Variants in USP35 observed in about 807,000 individuals in gnomAD.
The protein encoded by USP35 is ubiquitin specific peptidase 35, also known as ubiquitin carboxyl-terminal hydrolase 35.
In USP35, 69 loss-of-function variants were observed where a neutral mutation model predicts 83.8. The ratio of observed to expected loss-of-function variants is 0.82; its 90% CI spans 0.68 to 1.01. The LOEUF is 1.01. USP35 is among the 50% of genes least tolerant of loss of function. The probability of loss-of-function intolerance (pLI) is 0.00; values close to 1 mark genes in which losing one functional copy is unlikely to be tolerated. For synonymous variants in USP35, 714 were observed against 589.5 expected, an observed-to-expected ratio of 1.21 and a Z score of -3.06; for missense variants, 1,503 against 1,362.5, an observed-to-expected ratio of 1.10 and a Z score of -1.62.
chr11:78,189,155 G>A lies in USP35; in HGVS notation c.-13G>A. The A allele has an allele frequency of 5.7e-6, 1 of 174,496 alleles. No homozygotes were observed. Among genetic ancestry groups the A allele is most frequent in the Non-Finnish European group, 1.1e-5 (1 of 88,380 alleles). The allele number at this position is 174,496 out of a possible 1,614,324, so 10.8% of individuals were successfully genotyped here. ...CCGGCTCTGGCCCACCGGGGTCCGG[G>A]AGGTAAGGGGGTTGGGGGCGTGTGA... On this transcript the variant is annotated splice_region_variant and 5_prime_UTR_variant, in exon 1 of 11. Coordinates refer to ENST00000529308, the MANE Select transcript of USP35 (RefSeq NM_020798.4).
downstream of USP35, chr11:78,219,039 G>C (rs1389427938): frequency 5.6e-6 from 3 of 532,812 alleles, no homozygotes; most frequent in Non-Finnish European, 1.0e-5. Flanking sequence ...TGGAGGCATG[G>C]CCATTACTGA....
chr11:78,211,256 G>A (rs572260035), intron 10 of USP35, among the ~76,000 whole-genome samples: 85 of 152,194 alleles, frequency 5.6e-4, no homozygotes, highest in Non-Finnish European at 6.5e-4. Context: ...TTCCAGCTCC[G>A]TCCATGTCCC....
the USP35 span, among the ~76,000 whole-genome samples, chr11:78,233,561 T>A: frequency 6.6e-6 from 1 of 152,208 alleles, no homozygotes; most frequent in Non-Finnish European, 1.5e-5. Flanking sequence ...CACAAACAAA[T>A]CCTTTGTTAG....
At chr11:78,231,336 G>GTGGTGTGTGTGT in the USP35 span, among the ~76,000 whole-genome samples, 640 of 145,890 alleles carry the variant, frequency 4.4e-3, 3 homozygotes, top group African/African-American at 0.016. Flanking sequence ...GCGCGTGTGT[G>GTGGTGTGTGTGT]GTGTGTGTGT....
intron 10 of USP35, 51 bp from the exon 11 acceptor site, chr11:78,213,589 ACTCTGG>A: frequency 1.4e-6 from 2 of 1,432,512 alleles, no homozygotes; most frequent in East Asian, 5.6e-5. Context: ...GGGTAGACTC[ACTCTGG>A]CTTCAGGGTG....
chr11:78,223,574 C>T, the USP35 span: 3 of 1,613,850 alleles, frequency 1.9e-6, no homozygotes, highest in Admixed American at 5.0e-5. Flanking sequence ...GAATTATCAC[C>T]TGCTCGTTCC....
intron 1 of USP35, among the ~76,000 whole-genome samples, chr11:78,192,660 G>A (rs112728879): frequency 0.059 from 9,004 of 152,292 alleles, 321 homozygotes; most frequent in Middle Eastern, 0.085. Context: ...GGAGATCAGA[G>A]CTCTCATGGA....
In USP35 at chr11:78,196,190, A is replaced by G; in HGVS notation, c.-10-46A>G. On this transcript the variant is annotated intron_variant, in intron 1 of 10. Coordinates refer to ENST00000529308, the MANE Select transcript of USP35 (RefSeq NM_020798.4). The surrounding 1 kb of genome is among the most constrained non-coding windows in gnomAD (Gnocchi z 4.8). ...TCGGGGACTGCACCGGGAACTCTTG[A>G]GCCCCGCGGTTGTCGGGCTGTGACC... is the stretch of plus-strand genomic sequence containing the variant. 1 of 1,529,962 alleles carries G rather than the reference A, an allele frequency of 6.5e-7. No individual in the cohort carries two copies. Among genetic ancestry groups the G allele is most frequent in the Non-Finnish European group, 8.7e-7 (1 of 1,149,268 alleles). The allele number at this position is 1,529,962 out of a possible 1,614,324, so 94.8% of individuals were successfully genotyped here.
chr11:78,229,906 AT>A, the USP35 span, among the ~76,000 whole-genome samples: 1 of 152,138 alleles, frequency 6.6e-6, no homozygotes, highest in Admixed American at 6.5e-5. Context: ...CAGAAGACAC[AT>A]TTTTTAAGGC....
downstream of USP35, chr11:78,217,214 G>A (rs1864191980): frequency 6.6e-6 from 1 of 152,376 alleles, no homozygotes; most frequent in Non-Finnish European, 1.5e-5. Context: ...GTCTCTGTCT[G>A]ATGGCCATCA....
chr11:78,193,222 C>G (rs1452676480), intron 1 of USP35, among the ~76,000 whole-genome samples: 1 of 152,036 alleles, frequency 6.6e-6, no homozygotes, highest in East Asian at 1.9e-4. Context: ...GAAACAGGAA[C>G]TCACTTAGTC....
intron 6 of USP35, among the ~76,000 whole-genome samples, chr11:78,205,489 G>A (rs914795223): frequency 4.6e-5 from 7 of 152,234 alleles, no homozygotes; most frequent in Admixed American, 4.6e-4. Flanking sequence ...GTGGGCCAGG[G>A]TTGTCATTGC....
At chr11:78,221,420 G>C in the USP35 span, among the ~76,000 whole-genome samples, 1 of 152,298 alleles carries the variant, frequency 6.6e-6, no homozygotes, top group Admixed American at 6.5e-5. Context: ...CCATGTCACT[G>C]TCATGAGAGG....
intron 1 of USP35, among the ~76,000 whole-genome samples, chr11:78,195,926 C>T (rs1863128379): frequency 6.6e-6 from 1 of 152,114 alleles, no homozygotes; most frequent in South Asian, 2.1e-4. Context: ...AGACGGGCCT[C>T]GCTGTTGCTC....
chr11:78,191,885 C>G (rs943761215), intron 1 of USP35, among the ~76,000 whole-genome samples: 2 of 150,386 alleles, frequency 1.3e-5, no homozygotes, highest in Non-Finnish European at 3.0e-5. Context: ...GCTCTGTCCC[C>G]CAGGCTGGAG....
At chr11:78,199,132 G>A (rs1863256653) in intron 3 of USP35, 1 of 177,670 alleles carries the variant, frequency 5.6e-6, no homozygotes, top group Admixed American at 5.5e-5. Context: ...GTTAGCTGCT[G>A]TTATCTCCTT....
chr11:78,228,725 C>T, the USP35 span, among the ~76,000 whole-genome samples: 1 of 151,982 alleles, frequency 6.6e-6, no homozygotes, highest in Non-Finnish European at 1.5e-5. Flanking sequence ...CTCTGCACTC[C>T]TCCTCCCTTT....
rs770804525 is a variant in USP35 at position 78,214,895 on chromosome 11, T to TTACTGAGGGCTGGG, written c.*1084_*1097dup. ...GTGTGGACTGACTGACTTACTTACC[T>TTACTGAGGGCTGGG]TACTGAGGGCTGGGTGATGCTGCCC... On this transcript the variant is annotated 3_prime_UTR_variant, in exon 11 of 11. Transcript: ENST00000529308. Among the ~76,000 whole-genome samples, 2 of 151,578 alleles carry TTACTGAGGGCTGGG rather than the reference T, an allele frequency of 1.3e-5. No homozygotes were observed. Among genetic ancestry groups the TTACTGAGGGCTGGG allele is most frequent in the Non-Finnish European group, 2.9e-5 (2 of 67,992 alleles).
At chr11:78,222,413 T>TATA in the USP35 span, among the ~76,000 whole-genome samples, 1 of 151,718 alleles carries the variant, frequency 6.6e-6, no homozygotes, top group Admixed American at 6.6e-5. Flanking sequence ...CTTTCTGCTG[T>TATA]ATCTATGGTA....
Sources: allele counts gnomAD v4.1 joint callset (sites outside exome capture counted in the v4.1 genomes callset), GRCh38; gene constraint gnomAD v4.1.1; non-coding constraint Gnocchi (gnomAD v3.1); transcripts MANE v1.5; gene names NCBI Gene and HGNC (gene_info 2026-07-23, HGNC 2026-07-21).